CCDC69: variants seen among roughly 807,000 people sequenced by gnomAD.
CCDC69 encodes coiled-coil domain-containing protein 69.
In CCDC69, 38 loss-of-function variants were observed where a neutral mutation model predicts 40.3. The ratio of observed to expected loss-of-function variants is 0.94; its 90% CI spans 0.73 to 1.24. CCDC69 has a LOEUF of 1.24. CCDC69 is among the 50% of genes most tolerant of loss of function. The pLI is 0.00. For synonymous variants in CCDC69, 141 were observed against 138.9 expected, an observed-to-expected ratio of 1.02 and a Z score of -0.11; for missense variants, 389 against 357.9, an observed-to-expected ratio of 1.09 and a Z score of -0.70.
chr5:151,191,459 T>C (rs1297073033), intron 4 of CCDC69, among the ~76,000 whole-genome samples: 2 of 152,166 alleles, frequency 1.3e-5, no homozygotes, highest in African/African-American at 4.8e-5. Context: ...AGATCGACCA[T>C]ACCCTGAGTC....
intron 1 of CCDC69, among the ~76,000 whole-genome samples, chr5:151,206,319 C>T (rs904395043): frequency 5.3e-5 from 8 of 152,158 alleles, no homozygotes; most frequent in African/African-American, 9.7e-5. Flanking sequence ...TTCAGCTATG[C>T]GGAAGCTCTC....
chr5:151,212,798 C>T (rs1325862525), intron 1 of CCDC69: 1 of 455,976 alleles, frequency 2.2e-6, no homozygotes, highest in East Asian at 6.9e-5. Flanking sequence ...GTGTCATCTA[C>T]AGCCTTGGAG....
chr5:151,206,436 C>A (rs1464398436), intron 1 of CCDC69, among the ~76,000 whole-genome samples: 1 of 152,138 alleles, frequency 6.6e-6, no homozygotes, highest in Non-Finnish European at 1.5e-5. Flanking sequence ...CCTCTCCCCT[C>A]CCCAGAGGTT....
chr5:151,198,035 A>G (rs1223600558), intron 4 of CCDC69, among the ~76,000 whole-genome samples: 1 of 152,222 alleles, frequency 6.6e-6, no homozygotes, highest in Non-Finnish European at 1.5e-5. Context: ...GAAGGAATCT[A>G]TTTCAAAGGG....
intron 1 of CCDC69, among the ~76,000 whole-genome samples, chr5:151,214,869 G>C (rs1167109722): frequency 3.9e-5 from 6 of 152,188 alleles, no homozygotes; most frequent in Non-Finnish European, 2.9e-5. Flanking sequence ...AGCATCAGAA[G>C]GGCCTTGAGT....
intron 3 of CCDC69, among the ~76,000 whole-genome samples, chr5:151,200,043 C>A (rs1293128497): frequency 1.3e-5 from 2 of 152,188 alleles, no homozygotes; most frequent in African/African-American, 4.8e-5. Context: ...ATAGTAATCT[C>A]CCCCAGCAAG....
chr5:151,201,313 A>T (rs1211845650), intron 3 of CCDC69, among the ~76,000 whole-genome samples: 1 of 152,192 alleles, frequency 6.6e-6, no homozygotes, highest in East Asian at 1.9e-4. Flanking sequence ...AAAGGCAATT[A>T]ATCTAGTGGC....
intron 6 of CCDC69, 103 bp downstream of exon 6, chr5:151,185,920 G>A (rs1229626751): frequency 2.5e-6 from 2 of 794,332 alleles, no homozygotes; most frequent in Non-Finnish European, 4.5e-6. Flanking sequence ...AAGAGTGCCA[G>A]GTCTGAGTCT....
At position 151,199,023 on chromosome 5, in the gene CCDC69, T is replaced by C; in HGVS notation, c.293A>G (p.Glu98Gly). The change falls in exon 4 of 9, where the codon GAA becomes GGA. Residue 98 changes from glutamate (E) to glycine (G), a missense_variant. Physicochemically the swap from Glu to Gly is moderately conservative, Grantham distance 98. Transcript: ENST00000355417. The stretch of plus-strand genomic sequence containing the variant: ...TTGCAGGGCCTCTTCATTCTTTCCT[T>C]CCAGGACCCTTTGCTGCTCATCCAG... ...DRLDEQQRVL[E>G]GKNEEALQVL... The C allele has an allele frequency of 5.0e-6, 8 of 1,614,068 alleles. No homozygotes were observed. Among genetic ancestry groups the C allele is most frequent in the Non-Finnish European group, 6.8e-6 (8 of 1,179,966 alleles).
chr5:151,205,601 C>G, intron 1 of CCDC69, 126 bp from the exon 2 acceptor site: 1 of 766,712 alleles, frequency 1.3e-6, no homozygotes, highest in Non-Finnish European at 2.2e-6. Flanking sequence ...CCCTGCCCCA[C>G]GCCTGCGCAT....
intron 7 of CCDC69, chr5:151,185,152 C>T (rs943747491): frequency 1.5e-5 from 5 of 339,048 alleles, no homozygotes; most frequent in East Asian, 7.1e-5. Flanking sequence ...TCTGTCCTCC[C>T]GTGTTCTCAA....
At chr5:151,197,106 G>A (rs1393591627) in intron 4 of CCDC69, among the ~76,000 whole-genome samples, 1 of 152,254 alleles carries the variant, frequency 6.6e-6, no homozygotes, top group Non-Finnish European at 1.5e-5. Flanking sequence ...ACATTCCAAG[G>A]TGAAAGAAGT....
intron 1 of CCDC69, among the ~76,000 whole-genome samples, chr5:151,220,310 T>TG (rs1753115865): frequency 6.6e-6 from 1 of 152,166 alleles, no homozygotes; most frequent in Admixed American, 6.5e-5. Flanking sequence ...AACAACCCTA[T>TG]GGCACAGGAG....
rs248427 is a variant in CCDC69 at position 151,185,447 on chromosome 5, C to T, written c.590G>A (p.Arg197Lys). Residue 197 changes from arginine to lysine, a missense_variant, in exon 7 of 9, where the codon AGG (arginine) becomes AAG (lysine). Physicochemically the swap from Arg to Lys is conservative, Grantham distance 26. Coordinates refer to ENST00000355417, the MANE Select transcript of CCDC69 (RefSeq NM_015621.3). ...CACTGTTTCCATGAGGATCAGCCGC[C>T]TGTCCAGCTCATGAATACGCTCATT... Reference protein sequence around the residue: ...MKNERIHELDRRLILMETVKE... With the variant: ...MKNERIHELDKRLILMETVKE... 0.45 allele frequency: 721,906 copies of T among 1,612,450 alleles called. 162,678 individuals carry two copies. Among genetic ancestry groups the T allele is most frequent in the African/African-American group, 0.46 (34,712 of 74,924 alleles).
In CCDC69 at chr5:151,221,561, A is replaced by G. The variant is rs146971801; in HGVS notation, c.48+2362T>C. Among the ~76,000 whole-genome samples the G allele has an allele frequency of 4.2e-4, 64 of 152,364 alleles. 1 individual carries two copies. The highest frequency in any genetic ancestry group is 1.4e-3 in the African/African-American group (60 of 41,584). On this transcript the variant is annotated intron_variant, in intron 1 of 8. Coordinates refer to ENST00000355417, the MANE Select transcript of CCDC69 (RefSeq NM_015621.3). ...TGATCTGTATAAGGCAATGAGCACC[A>G]GATGGGGAGTGCAGAAAGCCAGGCT... is the stretch of plus-strand genomic sequence containing the variant.
At chr5:151,204,844 T>C (rs773291950) in intron 2 of CCDC69, among the ~76,000 whole-genome samples, 19 of 152,170 alleles carry the variant, frequency 1.2e-4, no homozygotes, top group Non-Finnish European at 1.9e-4. Flanking sequence ...ACTTATTTTA[T>C]ATATATGTAT....
At chr5:151,197,534 C>T (rs1183429326) in intron 4 of CCDC69, among the ~76,000 whole-genome samples, 1 of 151,836 alleles carries the variant, frequency 6.6e-6, no homozygotes, top group Admixed American at 6.6e-5. Flanking sequence ...AACAAACAAA[C>T]AAACAAAACA....
At chr5:151,185,599 C>A in intron 6 of CCDC69, 58 bp from the exon 7 acceptor site, 1 of 1,576,036 alleles carries the variant, frequency 6.3e-7, no homozygotes, top group South Asian at 1.1e-5. Context: ...CCTCCCCATT[C>A]TGCCAGCAAC....
intron 4 of CCDC69, among the ~76,000 whole-genome samples, chr5:151,190,604 T>G (rs1210164170): frequency 1.3e-5 from 2 of 148,552 alleles, no homozygotes. Context: ...AGGCAGAGTT[T>G]GCAATGAGCC....
Sources: gnomAD v4.1 joint callset for allele counts (sites outside exome capture counted in the v4.1 genomes callset) on GRCh38, gnomAD v4.1.1 for gene constraint, MANE v1.5 for transcripts, NCBI Gene and HGNC (gene_info 2026-07-23, HGNC 2026-07-21) for gene names.